Variants in NDUFS4 observed in about 807,000 individuals in gnomAD.
NDUFS4 encodes NADH:ubiquinone oxidoreductase subunit S4, also known as NADH dehydrogenase [ubiquinone] iron-sulfur protein 4, mitochondrial.
NDUFS4 carries 28 observed loss-of-function variants against 24.3 expected under a neutral mutation model. The ratio of observed to expected loss-of-function variants is 1.15; its 90% CI spans 0.85 to 1.58. The LOEUF (loss-of-function observed/expected upper bound fraction) is 1.58. Among genes scored for constraint, NDUFS4 ranks in the 40% most tolerant of loss-of-function variants. The pLI is 0.00. For synonymous variants in NDUFS4, 93 were observed against 69.7 expected, an observed-to-expected ratio of 1.34 and a Z score of -1.67; for missense variants, 223 against 207.9, an observed-to-expected ratio of 1.07 and a Z score of -0.45.
intron 1 of NDUFS4, among the ~76,000 whole-genome samples, chr5:53,570,006 A>C (rs1014947500): frequency 6.6e-6 from 1 of 152,176 alleles, no homozygotes; most frequent in Non-Finnish European, 1.5e-5. Flanking sequence ...ATAAAGAAAA[A>C]TTAACTGTTT....
chr5:53,572,974 T>G (rs1188735103), intron 1 of NDUFS4, among the ~76,000 whole-genome samples: 2 of 147,476 alleles, frequency 1.4e-5, no homozygotes, highest in Non-Finnish European at 3.0e-5. Context: ...TTTTTTGTTT[T>G]TTTTTTTTTT....
intron 2 of NDUFS4, among the ~76,000 whole-genome samples, chr5:53,606,176 T>C (rs954968906): frequency 2.0e-5 from 3 of 152,028 alleles, no homozygotes; most frequent in Non-Finnish European, 4.4e-5. Flanking sequence ...AGAGCGAGAC[T>C]CTGTCTCAAA....
chr5:53,617,658 C>T (rs988904616), intron 2 of NDUFS4, among the ~76,000 whole-genome samples: 6 of 152,168 alleles, frequency 3.9e-5, no homozygotes, highest in African/African-American at 7.2e-5. Flanking sequence ...GTGGGAGAGA[C>T]AAAAGGTGCC....
intron 1 of NDUFS4, among the ~76,000 whole-genome samples, chr5:53,594,417 T>C (rs1304368190): frequency 1.3e-5 from 2 of 152,116 alleles, no homozygotes; most frequent in African/African-American, 4.8e-5. Context: ...AGTCTGTGTC[T>C]TTATAATTAA....
chr5:53,576,790 G>T (rs1372674165), intron 1 of NDUFS4, among the ~76,000 whole-genome samples: 1 of 152,200 alleles, frequency 6.6e-6, no homozygotes, highest in East Asian at 1.9e-4. Flanking sequence ...AACAAAGTTT[G>T]TGTATGTTTT....
At chr5:53,586,067 G>A (rs1022826303) in intron 1 of NDUFS4, among the ~76,000 whole-genome samples, 2 of 151,740 alleles carry the variant, frequency 1.3e-5, no homozygotes, top group African/African-American at 4.8e-5. Flanking sequence ...AGTGGCTCAC[G>A]TCTGTAATCC....
chr5:53,562,589 G>A (rs4147733), intron 1 of NDUFS4, among the ~76,000 whole-genome samples: 1 of 152,034 alleles, frequency 6.6e-6, no homozygotes, highest in African/African-American at 2.4e-5. Context: ...CTTAATGCCA[G>A]GGAAGACGTT....
chr5:53,646,292 C>T lies in NDUFS4; in HGVS notation c.237C>T (p.Ile79=). 2 of 1,613,410 alleles carry T rather than the reference C, an allele frequency of 1.2e-6. No homozygotes were observed. The highest frequency in any genetic ancestry group is 1.7e-6 in the Non-Finnish European group (2 of 1,179,506). Residue 79 remains isoleucine, a synonymous_variant, in exon 3 of 5, where the codon ATC becomes ATT. Transcript: ENST00000296684. ...EEHIKTRKVR[I]FVPARNNMQS... ...ATATAAAAACTAGAAAAGTCAGGAT[C>T]TTTGTTCCTGCTCGCAATAACATGC...
chr5:53,629,021 T>C (rs911331404), intron 2 of NDUFS4, among the ~76,000 whole-genome samples: 4 of 152,202 alleles, frequency 2.6e-5, no homozygotes, highest in African/African-American at 4.8e-5. Flanking sequence ...CATTTAGTGC[T>C]ATAAATTTCC....
Position 53,615,027 on chromosome 5 carries a change from CTG to C in NDUFS4, c.177+11498_177+11499del, listed in dbSNP as rs148148539. Among the ~76,000 whole-genome samples the C allele has an allele frequency of 1.1e-3, 162 of 151,810 alleles. 1 individual carries two copies. The highest frequency in any genetic ancestry group is 2.1e-3 in the Non-Finnish European group (144 of 67,808). On this transcript the variant is annotated intron_variant, in intron 2 of 4. Transcript: ENST00000296684. ...TGCTTATCTAATTTTTTTCATTTAA[CTG>C]AATATAATTATAAAGAAACCATCAA...
intron 4 of NDUFS4, among the ~76,000 whole-genome samples, chr5:53,680,302 G>A (rs1172675608): frequency 1.3e-5 from 2 of 152,024 alleles, no homozygotes; most frequent in Admixed American, 1.3e-4. Context: ...CAGGGATCTA[G>A]AACTAGAAAT....
intron 1 of NDUFS4, among the ~76,000 whole-genome samples, chr5:53,599,528 T>C (rs1561353442): frequency 6.6e-6 from 1 of 152,222 alleles, no homozygotes; most frequent in Non-Finnish European, 1.5e-5. Flanking sequence ...TTTCATGTGC[T>C]CATTAGCCAT....
intron 2 of NDUFS4, among the ~76,000 whole-genome samples, chr5:53,633,044 G>GTCA (rs1414052489): frequency 6.6e-6 from 1 of 152,104 alleles, no homozygotes; most frequent in Non-Finnish European, 1.5e-5. Flanking sequence ...TCAGCTTTCA[G>GTCA]TCATTGAGTC....
At chr5:53,595,038 C>T (rs1750091625) in intron 1 of NDUFS4, among the ~76,000 whole-genome samples, 1 of 152,074 alleles carries the variant, frequency 6.6e-6, no homozygotes, top group Admixed American at 6.6e-5. Context: ...CACCTTTTCA[C>T]CACTGATTTA....
At chr5:53,599,866 C>T (rs1031512920) in intron 1 of NDUFS4, among the ~76,000 whole-genome samples, 2 of 152,010 alleles carry the variant, frequency 1.3e-5, no homozygotes, top group Admixed American at 6.5e-5. Context: ...TATTTTCCTT[C>T]CATCTACCAT....
chr5:53,635,923 G>T (rs1334533773), intron 2 of NDUFS4, among the ~76,000 whole-genome samples: 1 of 152,092 alleles, frequency 6.6e-6, no homozygotes, highest in Non-Finnish European at 1.5e-5. Flanking sequence ...ATTTGGTTAT[G>T]TCATATGTCA....
At chr5:53,604,899 A>G (rs1194350257) in intron 2 of NDUFS4, 1 of 456,160 alleles carries the variant, frequency 2.2e-6, no homozygotes, top group African/African-American at 2.0e-5. Flanking sequence ...TCAAATGGTA[A>G]TCAAACACCA....
chr5:53,668,282 A>G (rs554626591), intron 4 of NDUFS4, among the ~76,000 whole-genome samples: 3 of 152,288 alleles, frequency 2.0e-5, no homozygotes, highest in Non-Finnish European at 2.9e-5. Context: ...TTCAGGGACT[A>G]TTCTGAAGAT....
At chr5:53,581,011 T>G (rs1749552162) in intron 1 of NDUFS4, among the ~76,000 whole-genome samples, 1 of 152,082 alleles carries the variant, frequency 6.6e-6, no homozygotes, top group Non-Finnish European at 1.5e-5. Context: ...TTTTGTAGTT[T>G]TAATAGAGAT....
Sources: allele counts gnomAD v4.1 joint callset (sites outside exome capture counted in the v4.1 genomes callset), GRCh38; gene constraint gnomAD v4.1.1; transcripts MANE v1.5; gene names NCBI Gene and HGNC (gene_info 2026-07-23, HGNC 2026-07-21).